Variants in TENM3 observed in about 807,000 individuals in gnomAD.
TENM3 encodes teneurin transmembrane protein 3, also known as teneurin-3.
Under a neutral mutation model 255.1 loss-of-function variants are expected in TENM3, and 63 were observed. The observed-to-expected ratio is 0.25, with a 90% CI of 0.20 to 0.30. TENM3 has a LOEUF of 0.30. Among genes scored for constraint, TENM3 ranks in the 10% least tolerant of loss-of-function variants. The pLI is 1.00. For synonymous variants in TENM3, 1,306 were observed against 1,322.3 expected (o/e 0.99, Z 0.27); for missense variants, 2,929 against 3,461.1 (o/e 0.85, Z 3.86).
intron 12 of TENM3, among the ~76,000 whole-genome samples, chr4:182,705,710 T>C (rs972154653): frequency 1.3e-5 from 2 of 152,216 alleles, no homozygotes; most frequent in Non-Finnish European, 2.9e-5. Flanking sequence ...CAGGAACATA[T>C]ACTCCTTAGA....
chr4:181,448,479 G>T, the TENM3 span, among the ~76,000 whole-genome samples: 1 of 152,056 alleles, frequency 6.6e-6, no homozygotes, highest in Non-Finnish European at 1.5e-5. Context: ...CCGAAATCCA[G>T]TAATTATTAA....
At chr4:181,555,673 T>G in the TENM3 span, among the ~76,000 whole-genome samples, 1 of 152,176 alleles carries the variant, frequency 6.6e-6, no homozygotes, top group Non-Finnish European at 1.5e-5. Flanking sequence ...CCAGTGAAGA[T>G]TAGCCCATTC....
chr4:182,033,018 G>GTT, the TENM3 span, among the ~76,000 whole-genome samples: 51 of 148,632 alleles, frequency 3.4e-4, no homozygotes, highest in South Asian at 6.3e-4. Flanking sequence ...ATTTTTGAAG[G>GTT]TTTTTTTTTG....
the TENM3 span, among the ~76,000 whole-genome samples, chr4:181,772,445 G>A: frequency 6.6e-6 from 1 of 151,962 alleles, no homozygotes; most frequent in East Asian, 1.9e-4. Flanking sequence ...GAGCTATTAG[G>A]AAAAATTAAG....
the TENM3 span, among the ~76,000 whole-genome samples, chr4:181,626,044 CAT>C: frequency 6.6e-6 from 1 of 152,154 alleles, no homozygotes; most frequent in South Asian, 2.1e-4. Flanking sequence ...TCTATGATGT[CAT>C]GTGATAGAGA....
chr4:181,782,130 C>T, the TENM3 span, among the ~76,000 whole-genome samples: 3 of 152,056 alleles, frequency 2.0e-5, no homozygotes, highest in Non-Finnish European at 4.4e-5. Flanking sequence ...TGATGCTGGC[C>T]TCATAAAATG....
At chr4:182,505,897 G>C (rs140563071) in intron 3 of TENM3, among the ~76,000 whole-genome samples, 5 of 152,308 alleles carry the variant, frequency 3.3e-5, no homozygotes, top group East Asian at 1.9e-4. Context: ...AAAGAGACAG[G>C]CTTCGGATTT....
At chr4:182,683,500 A>T (rs866784773) in intron 11 of TENM3, among the ~76,000 whole-genome samples, 10 of 152,204 alleles carry the variant, frequency 6.6e-5, no homozygotes, top group African/African-American at 1.7e-4. Flanking sequence ...GAAAAAGTTT[A>T]AAATCCAAAT....
the TENM3 span, among the ~76,000 whole-genome samples, chr4:181,454,887 G>A: frequency 0.011 from 1,740 of 151,882 alleles, 31 homozygotes; most frequent in African/African-American, 0.04. Flanking sequence ...CAGATTAAAG[G>A]TTTGTTTAAG....
chr4:181,629,797 C>CT, the TENM3 span, among the ~76,000 whole-genome samples: 1,942 of 152,036 alleles, frequency 0.013, 20 homozygotes, highest in Middle Eastern at 0.02. Context: ...CTAAAATTCT[C>CT]TTTTTTTTGT....
At chr4:181,559,346 C>A in the TENM3 span, among the ~76,000 whole-genome samples, 18 of 152,146 alleles carry the variant, frequency 1.2e-4, no homozygotes, top group Non-Finnish European at 2.2e-4. Flanking sequence ...GCAAATTGAT[C>A]CAACCTGTTT....
At chr4:182,023,608 G>A in the TENM3 span, among the ~76,000 whole-genome samples, 1 of 152,156 alleles carries the variant, frequency 6.6e-6, no homozygotes, top group African/African-American at 2.4e-5. Flanking sequence ...ACTGATCACT[G>A]GCCCCCTGTG....
chr4:182,625,800 C>T (rs985706028), intron 4 of TENM3, among the ~76,000 whole-genome samples: 4 of 152,068 alleles, frequency 2.6e-5, no homozygotes, highest in African/African-American at 7.2e-5. Context: ...TCTCCAGTGG[C>T]GTTGAGGGAA....
chr4:181,962,724 G>C, the TENM3 span, among the ~76,000 whole-genome samples: 1 of 152,190 alleles, frequency 6.6e-6, no homozygotes, highest in Non-Finnish European at 1.5e-5. Context: ...TCACAGCCAA[G>C]TATGTAGAAG....
chr4:182,304,325 C>T (rs1762013623), intron 1 of TENM3, among the ~76,000 whole-genome samples: 1 of 151,992 alleles, frequency 6.6e-6, no homozygotes, highest in Admixed American at 6.6e-5. Flanking sequence ...CGATTCTCCT[C>T]CCTCAGCCTC....
the TENM3 span, among the ~76,000 whole-genome samples, chr4:181,708,627 T>C: frequency 6.6e-6 from 1 of 151,990 alleles, no homozygotes; most frequent in African/African-American, 2.4e-5. Flanking sequence ...AAATATGACC[T>C]TATTATTCTC....
At chr4:181,540,281 G>A in the TENM3 span, among the ~76,000 whole-genome samples, 9 of 151,942 alleles carry the variant, frequency 5.9e-5, no homozygotes, top group Non-Finnish European at 1.0e-4. Flanking sequence ...CAAAAATAAC[G>A]GGCCACAAGT....
At chr4:182,501,658 G>C (rs1220003442) in intron 3 of TENM3, among the ~76,000 whole-genome samples, 2 of 152,058 alleles carry the variant, frequency 1.3e-5, no homozygotes. Flanking sequence ...TTTACCTGAA[G>C]ATATATCATT....
the TENM3 span, among the ~76,000 whole-genome samples, chr4:182,084,176 G>A: frequency 1.3e-5 from 2 of 151,696 alleles, no homozygotes; most frequent in Admixed American, 6.6e-5. Context: ...CCGCAGACTC[G>A]TTTCTAGCTG....
Sources: gnomAD v4.1 joint callset for allele counts (sites outside exome capture counted in the v4.1 genomes callset) on GRCh38, gnomAD v4.1.1 for gene constraint, MANE v1.5 for transcripts, NCBI Gene and HGNC (gene_info 2026-07-23, HGNC 2026-07-21) for gene names.